Variants in MEIS2 observed in about 807,000 individuals in gnomAD.
MEIS2 encodes the protein homeobox protein Meis2.
Under a neutral mutation model 58.6 loss-of-function variants are expected in MEIS2, and 9 were observed. The observed-to-expected ratio is 0.15, with a 90% CI of 0.09 to 0.27. MEIS2 has a LOEUF of 0.27. Ranked by LOEUF, MEIS2 falls within the 10% of genes least tolerant of loss-of-function variation. MEIS2 has a pLI of 1.00. For synonymous variants in MEIS2, 221 were observed against 228.4 expected (o/e 0.97, Z 0.29); for missense variants, 427 against 635.0 (o/e 0.67, Z 3.52).
At chr15:36,956,526 A>G (rs2058982328) in intron 8 of MEIS2, among the ~76,000 whole-genome samples, 1 of 152,188 alleles carries the variant, frequency 6.6e-6, no homozygotes, top group African/African-American at 2.4e-5. Flanking sequence ...TGCATTAAAG[A>G]TGGAACCCAA....
intron 8 of MEIS2, among the ~76,000 whole-genome samples, chr15:36,989,873 G>A (rs891786387): frequency 7.9e-5 from 12 of 152,180 alleles, no homozygotes; most frequent in African/African-American, 2.9e-4. Context: ...CTTGTTGGTA[G>A]TCCCCATTAG....
intron 9 of MEIS2, among the ~76,000 whole-genome samples, chr15:36,904,572 G>A (rs1012820736): frequency 2.0e-5 from 3 of 151,794 alleles, no homozygotes; most frequent in Non-Finnish European, 4.4e-5. Context: ...GACCACATTT[G>A]AACTGCTTCC....
chr15:37,005,550 G>C (rs1325729049), intron 8 of MEIS2, among the ~76,000 whole-genome samples: 6 of 152,092 alleles, frequency 3.9e-5, no homozygotes, highest in Admixed American at 1.3e-4. Flanking sequence ...CTGTAGGCCA[G>C]TCCTACCCAT....
chr15:36,913,725 CAG>C (rs142942633), intron 9 of MEIS2, among the ~76,000 whole-genome samples: 9,511 of 151,574 alleles, frequency 0.063, 502 homozygotes, highest in East Asian at 0.25. Context: ...TTCACACACT[CAG>C]GGGGAGAAAA....
chr15:36,975,970 G>A (rs533984690), intron 8 of MEIS2, among the ~76,000 whole-genome samples: 92 of 152,176 alleles, frequency 6.0e-4, no homozygotes, highest in Non-Finnish European at 2.8e-4. Context: ...GATGTACACT[G>A]TAAATATATA....
chr15:37,036,311 A>G (rs2062149847), intron 8 of MEIS2: 1 of 152,358 alleles, frequency 6.6e-6, no homozygotes, highest in South Asian at 2.1e-4. Flanking sequence ...TCATATAAAT[A>G]CATGACATAT....
At chr15:37,057,481 G>A (rs992333655) in intron 7 of MEIS2, among the ~76,000 whole-genome samples, 1 of 152,114 alleles carries the variant, frequency 6.6e-6, no homozygotes, top group Non-Finnish European at 1.5e-5. Context: ...GAGTGCAGCT[G>A]CCATTCTGAA....
intron 9 of MEIS2, chr15:36,896,981 G>A (rs895662607): frequency 3.3e-6 from 1 of 298,962 alleles, no homozygotes; most frequent in African/African-American, 2.1e-5. Flanking sequence ...GCACAAGTAG[G>A]AATCTGGTTA....
chr15:37,027,256 A>C (rs1164330080), intron 8 of MEIS2, among the ~76,000 whole-genome samples: 1 of 152,210 alleles, frequency 6.6e-6, no homozygotes, highest in Non-Finnish European at 1.5e-5. Context: ...CATTTCCAGG[A>C]GTCCTCTGAA....
At chr15:37,090,687 A>T (rs1301514010) in intron 6 of MEIS2, among the ~76,000 whole-genome samples, 1 of 152,114 alleles carries the variant, frequency 6.6e-6, no homozygotes, top group Non-Finnish European at 1.5e-5. Flanking sequence ...ATGCACACAC[A>T]CACACAATGA....
Position 37,095,643 on chromosome 15 carries a change from G to C in MEIS2, c.388-29C>G, listed in dbSNP as rs757064748. On this transcript the variant is annotated intron_variant, in intron 3 of 11. Coordinates refer to ENST00000561208, the MANE Select transcript of MEIS2 (RefSeq NM_170675.5). ...TAAGAAACAGAGAGTCAACTTGAAC[G>C]ATCACCCCATTTAAAATAAGAAAGC... 3.0e-5 allele frequency: 48 copies of C among 1,614,116 alleles called. No individual in the cohort carries two copies. In the South Asian group the frequency reaches 4.4e-4, roughly 15 times the overall value.
At chr15:36,921,500 G>A (rs1378692939) in intron 9 of MEIS2, among the ~76,000 whole-genome samples, 1 of 152,152 alleles carries the variant, frequency 6.6e-6, no homozygotes, top group Admixed American at 6.5e-5. Context: ...ACACCAAAGC[G>A]CTTAGTAGTC....
At chr15:36,936,080 G>A (rs533942287) in intron 9 of MEIS2, among the ~76,000 whole-genome samples, 99 of 151,808 alleles carry the variant, frequency 6.5e-4, no homozygotes, top group South Asian at 3.1e-3. Context: ...GCATTTATTC[G>A]ATAAGTATTA....
At chr15:36,940,924 C>T (rs1431620829) in intron 9 of MEIS2, among the ~76,000 whole-genome samples, 1 of 152,118 alleles carries the variant, frequency 6.6e-6, no homozygotes, top group Non-Finnish European at 1.5e-5. Flanking sequence ...TCACTTGTTT[C>T]CTGTTTACTG....
intron 1 of MEIS2, 185 bp downstream of exon 1, chr15:37,099,258 ACGCACACACACT>A (rs1894798492): frequency 6.9e-7 from 1 of 1,449,338 alleles, no homozygotes; most frequent in Non-Finnish European, 9.1e-7. Flanking sequence ...GCACACACGC[ACGCACACACACT>A]CGCACACACG....
intron 9 of MEIS2, among the ~76,000 whole-genome samples, chr15:36,932,930 A>T (rs2058035318): frequency 6.6e-6 from 1 of 152,218 alleles, no homozygotes; most frequent in Non-Finnish European, 1.5e-5. Context: ...TTGCTCTTCC[A>T]AAGATCAGAC....
chr15:37,008,470 G>A (rs953331843), intron 8 of MEIS2, among the ~76,000 whole-genome samples: 2 of 152,144 alleles, frequency 1.3e-5, no homozygotes, highest in African/African-American at 4.8e-5. Flanking sequence ...TCTTTCACAA[G>A]AGTCACTTTC....
At chr15:37,005,322 A>G (rs1443015825) in intron 8 of MEIS2, among the ~76,000 whole-genome samples, 3 of 152,232 alleles carry the variant, frequency 2.0e-5, no homozygotes, top group Non-Finnish European at 4.4e-5. Context: ...GAATATGAGA[A>G]AAGTGAACAG....
At position 36,890,236 on chromosome 15, in the gene MEIS2, T is replaced by C. The variant is rs554171235; in HGVS notation, c.*1937A>G. ...AGAGTTAAAAAATTCCAGGATAGTA[T>C]ATTTATTTGAAAATTGAGGGGACAT... On this transcript the variant is annotated 3_prime_UTR_variant, in exon 12 of 12. Transcript: ENST00000561208. 7 of 152,290 alleles carry C rather than the reference T, an allele frequency of 4.6e-5. No individual in the cohort carries two copies. The highest frequency in any genetic ancestry group is 1.7e-4 in the African/African-American group (7 of 41,572). 9.4% of individuals were successfully genotyped at this position (152,290 alleles called of 1,614,324 possible).
Sources: allele counts gnomAD v4.1 joint callset (sites outside exome capture counted in the v4.1 genomes callset), GRCh38; gene constraint gnomAD v4.1.1; transcripts MANE v1.5; gene names NCBI Gene and HGNC (gene_info 2026-07-23, HGNC 2026-07-21).